Variants in NLGN1 observed in about 807,000 individuals in gnomAD.
NLGN1 encodes the protein neuroligin-1.
Under a neutral mutation model 65.5 loss-of-function variants are expected in NLGN1, and 12 were observed. That is an observed-to-expected ratio of 0.18 (90% CI 0.12 to 0.30). NLGN1 has a LOEUF of 0.30. Ranked by LOEUF, NLGN1 falls within the 10% of genes least tolerant of loss-of-function variation. NLGN1 has a pLI of 1.00. For missense variants in NLGN1, 750 were observed against 1,007.1 expected (o/e 0.74, Z 3.46); for synonymous variants, 350 against 359.5 (o/e 0.97, Z 0.30).
At chr3:173,891,559 A>C (rs535379607) in intron 4 of NLGN1, among the ~76,000 whole-genome samples, 17 of 152,176 alleles carry the variant, frequency 1.1e-4, no homozygotes, top group African/African-American at 3.9e-4. Context: ...TAAAGTTTCC[A>C]AACCCATGTT....
At chr3:173,873,651 T>C (rs1731598332) in intron 4 of NLGN1, among the ~76,000 whole-genome samples, 1 of 152,196 alleles carries the variant, frequency 6.6e-6, no homozygotes, top group Non-Finnish European at 1.5e-5. Context: ...TACATTTTTG[T>C]AGTAGTCTTT....
At chr3:173,804,454 T>G (rs961338156) in intron 3 of NLGN1, among the ~76,000 whole-genome samples, 2 of 152,110 alleles carry the variant, frequency 1.3e-5, no homozygotes, top group Non-Finnish European at 2.9e-5. Context: ...TCTAAAAAAT[T>G]AATTATAAAT....
At chr3:174,272,698 GATAGATAGAT>G (rs1278596979) in intron 4 of NLGN1, among the ~76,000 whole-genome samples, 59 of 150,662 alleles carry the variant, frequency 3.9e-4, no homozygotes, top group Admixed American at 1.8e-3. Context: ...TAGATAGATA[GATAGATAGAT>G]ATAGATAGAT....
intron 4 of NLGN1, among the ~76,000 whole-genome samples, chr3:174,028,396 G>C (rs926359177): frequency 6.6e-6 from 1 of 152,178 alleles, no homozygotes; most frequent in African/African-American, 2.4e-5. Context: ...ATGGACATGA[G>C]GAACTTGTTG....
In NLGN1 at chr3:173,842,904, C is replaced by T. The variant is rs569575919; in HGVS notation, c.646+35072C>T. ...TAGGATGGACTCTGTGTAGGGGTTC[C>T]AACCCCACATTTCCCTTCCACACTG... On this transcript the variant is annotated intron_variant, in intron 4 of 6. Coordinates refer to ENST00000457714, the Ensembl canonical transcript of NLGN1. 2.0e-5 allele frequency among the ~76,000 whole-genome samples: 3 copies of T among 152,304 alleles called. No homozygotes were observed. The South Asian group carries it at 6.2e-4, about 32-fold the overall frequency.
At chr3:173,998,110 A>G (rs1560807865) in intron 4 of NLGN1, among the ~76,000 whole-genome samples, 2 of 152,096 alleles carry the variant, frequency 1.3e-5, no homozygotes, top group Non-Finnish European at 2.9e-5. Flanking sequence ...TGTTTTATGA[A>G]GGAGAAAAGT....
intron 3 of NLGN1, among the ~76,000 whole-genome samples, chr3:173,769,513 C>G (rs1374329455): frequency 6.6e-6 from 1 of 152,212 alleles, no homozygotes; most frequent in Non-Finnish European, 1.5e-5. Context: ...GGTCCCCTGA[C>G]AACTCATGCA....
intron 4 of NLGN1, among the ~76,000 whole-genome samples, chr3:174,062,286 A>T (rs575259217): frequency 6.6e-6 from 1 of 152,242 alleles, no homozygotes; most frequent in Non-Finnish European, 1.5e-5. Flanking sequence ...ATGTTGTATT[A>T]TCAAGTATTT....
At chr3:173,481,776 ATAT>A (rs200756106) in intron 2 of NLGN1, among the ~76,000 whole-genome samples, 1,673 of 151,996 alleles carry the variant, frequency 0.011, 13 homozygotes, top group Non-Finnish European at 0.018. Flanking sequence ...CTCTCCAGGA[ATAT>A]TATTATTCCA....
intron 4 of NLGN1, among the ~76,000 whole-genome samples, chr3:174,217,540 G>T (rs1051524192): frequency 6.6e-6 from 1 of 151,866 alleles, no homozygotes; most frequent in African/African-American, 2.4e-5. Flanking sequence ...TCCTCACATG[G>T]CACAAAAATC....
intron 3 of NLGN1, among the ~76,000 whole-genome samples, chr3:173,631,791 A>G (rs1560080077): frequency 6.6e-6 from 1 of 152,026 alleles, no homozygotes; most frequent in Non-Finnish European, 1.5e-5. Flanking sequence ...TCTGGTCATT[A>G]TTTTTCATGC....
chr3:173,584,432 T>TTTTTTG (rs34020380), intron 2 of NLGN1: 2 of 106,308 alleles, frequency 1.9e-5, no homozygotes, highest in Non-Finnish European at 4.0e-5. Flanking sequence ...TTTTTTTTTT[T>TTTTTTG]GCGAGGAGTG....
At chr3:173,682,864 A>G (rs1278187895) in intron 3 of NLGN1, among the ~76,000 whole-genome samples, 1 of 152,178 alleles carries the variant, frequency 6.6e-6, no homozygotes, top group Admixed American at 6.5e-5. Context: ...ATGGATGTTG[A>G]AACCTGAGGT....
intron 1 of NLGN1, among the ~76,000 whole-genome samples, chr3:173,420,275 G>T (rs1714777965): frequency 6.6e-6 from 1 of 151,730 alleles, no homozygotes; most frequent in Non-Finnish European, 1.5e-5. Flanking sequence ...CCCTTCCTGT[G>T]TCCATGTGTT....
chr3:173,968,759 C>T (rs566705672), intron 4 of NLGN1, among the ~76,000 whole-genome samples: 7 of 126,524 alleles, frequency 5.5e-5, no homozygotes, highest in African/African-American at 1.9e-4. Flanking sequence ...AGTGCAATGG[C>T]GCAATCTCAG....
At chr3:174,282,836 T>C (rs1751696542) in exon 7 of NLGN1, 1 of 152,182 alleles carries the variant, frequency 6.6e-6, no homozygotes, top group South Asian at 2.1e-4. Flanking sequence ...TTCAGATGAC[T>C]AGCAATTTTG....
chr3:173,538,716 A>G (rs1430097904), intron 2 of NLGN1, among the ~76,000 whole-genome samples: 1 of 152,172 alleles, frequency 6.6e-6, no homozygotes, highest in Middle Eastern at 3.2e-3. Context: ...GTAGAAGTCC[A>G]TATGTGAAGC....
chr3:173,848,822 A>G (rs1726316365), intron 4 of NLGN1, among the ~76,000 whole-genome samples: 1 of 152,290 alleles, frequency 6.6e-6, no homozygotes, highest in East Asian at 1.9e-4. Flanking sequence ...TGAGATGTGA[A>G]CTATTTTATT....
intron 4 of NLGN1, among the ~76,000 whole-genome samples, chr3:173,993,077 A>T (rs547302817): frequency 6.6e-6 from 1 of 152,324 alleles, no homozygotes; most frequent in Non-Finnish European, 1.5e-5. Flanking sequence ...TAAAATATGT[A>T]AATAAATAGA....
Sources: gnomAD v4.1 joint callset for allele counts (sites outside exome capture counted in the v4.1 genomes callset) on GRCh38, gnomAD v4.1.1 for gene constraint, MANE v1.5 for transcripts, NCBI Gene and HGNC (gene_info 2026-07-23, HGNC 2026-07-21) for gene names.